The following AGMO variants were observed in gnomAD, a reference collection of about 807,000 sequenced individuals.
AGMO encodes the protein alkylglycerol monooxygenase, also known as glyceryl-ether monooxygenase.
A neutral mutation model predicts 60.2 loss-of-function variants in AGMO; 75 were observed. The observed-to-expected ratio is 1.25, with a 90% confidence interval of 1.03 to 1.51. The LOEUF (loss-of-function observed/expected upper bound fraction) is 1.51, where lower values mean the gene tolerates loss of function less well. Ranked by LOEUF, AGMO falls within the 40% of genes most tolerant of loss-of-function variation. The pLI is 0.00. For synonymous variants in AGMO, 261 were observed against 177.1 expected (o/e 1.47, Z -3.76); for missense variants, 763 against 525.5 (o/e 1.45, Z -4.42).
intron 12 of AGMO, among the ~76,000 whole-genome samples, chr7:15,236,000 G>T (rs1782407358): frequency 6.6e-6 from 1 of 151,984 alleles, no homozygotes; most frequent in South Asian, 2.1e-4. Context: ...ATTAGTGGAT[G>T]GGACCTCAAG....
the AGMO span, among the ~76,000 whole-genome samples, chr7:15,172,827 G>T: frequency 6.6e-6 from 1 of 152,114 alleles, no homozygotes; most frequent in Non-Finnish European, 1.5e-5. Context: ...AGAGCTCATG[G>T]AAGAGGATGG....
At chr7:15,290,066 C>T (rs1263571257) in intron 12 of AGMO, among the ~76,000 whole-genome samples, 2 of 144,502 alleles carry the variant, frequency 1.4e-5, no homozygotes, top group African/African-American at 2.6e-5. Flanking sequence ...AGTTTCACCC[C>T]GTTGCCAGGC....
downstream of AGMO, among the ~76,000 whole-genome samples, chr7:15,198,359 C>T (rs1414707123): frequency 6.6e-6 from 1 of 151,932 alleles, no homozygotes; most frequent in Non-Finnish European, 1.5e-5. Flanking sequence ...TATGTTCTGT[C>T]ATCATGTATT....
the AGMO span, among the ~76,000 whole-genome samples, chr7:15,153,937 T>A: frequency 6.6e-6 from 1 of 152,160 alleles, no homozygotes; most frequent in Non-Finnish European, 1.5e-5. Context: ...CTTTTGGCAA[T>A]ACAGTCATTT....
chr7:15,432,369 C>CACATATATATATATATATAT (rs141888494), intron 3 of AGMO, among the ~76,000 whole-genome samples: 1 of 50,696 alleles, frequency 2.0e-5, no homozygotes, highest in South Asian at 7.6e-4. Flanking sequence ...TATACACACA[C>CACATATATATATATATATAT]ATATATATAT....
intron 12 of AGMO, among the ~76,000 whole-genome samples, chr7:15,294,177 C>T (rs892292490): frequency 3.9e-5 from 6 of 151,946 alleles, no homozygotes; most frequent in Non-Finnish European, 7.4e-5. Context: ...AAAACAGAGT[C>T]GGCATTTAAT....
chr7:15,398,162 C>T lies in AGMO; in HGVS notation c.610-3983G>A, dbSNP rs530228805. On this transcript the variant is annotated intron_variant, in intron 5 of 12. Transcript: ENST00000342526. ...TGGAGAGGACTACACTGACCAGCTT[C>T]TGCTCCCCAGATGAATTTCTGATCC... Among the ~76,000 whole-genome samples the T allele has an allele frequency of 5.9e-5, 9 of 152,178 alleles. No homozygotes were observed. In the South Asian group the frequency reaches 1.0e-3, roughly 18 times the overall value.
intron 12 of AGMO, chr7:15,358,344 T>A (rs989484075): frequency 8.8e-6 from 4 of 456,756 alleles, no homozygotes; most frequent in African/African-American, 8.1e-5. Flanking sequence ...CTTGGGTTAA[T>A]GCTTTTTCAA....
At chr7:15,406,281 CATATGTGTGTATATATATGGAATATACAT>C (rs1784684194) in intron 5 of AGMO, among the ~76,000 whole-genome samples, 1 of 124,244 alleles carries the variant, frequency 8.0e-6, no homozygotes, top group African/African-American at 3.2e-5. Flanking sequence ...TACATGTACA[CATATGTGTGTATATATATGGAATATACAT>C]ATATATGTGT....
chr7:15,432,335 T>TATATATATACATAA (rs759130741), intron 3 of AGMO, among the ~76,000 whole-genome samples: 1 of 136,642 alleles, frequency 7.3e-6, no homozygotes. Flanking sequence ...TATGTATATA[T>TATATATATACATAA]ATATATATAT....
At chr7:15,555,288 TATATACACACACAC>T (rs1386625529) in intron 2 of AGMO, among the ~76,000 whole-genome samples, 1 of 100,004 alleles carries the variant, frequency 1.0e-5, no homozygotes, top group African/African-American at 6.8e-5. Context: ...TATATATATA[TATATACACACACAC>T]ACACACACAC....
At chr7:15,467,712 T>G (rs1385606751) in intron 3 of AGMO, among the ~76,000 whole-genome samples, 1 of 152,184 alleles carries the variant, frequency 6.6e-6, no homozygotes, top group East Asian at 1.9e-4. Context: ...ATTTTTGGAA[T>G]ATTATTTCTC....
chr7:15,118,173 AACACACACAC>A, the AGMO span, among the ~76,000 whole-genome samples: 129 of 144,538 alleles, frequency 8.9e-4, 1 homozygote, highest in East Asian at 4.6e-3. Flanking sequence ...ACTAAAGAGA[AACACACACAC>A]ACACACACAC....
chr7:15,356,622 C>G (rs1485280014), intron 12 of AGMO, among the ~76,000 whole-genome samples: 1 of 151,940 alleles, frequency 6.6e-6, no homozygotes, highest in Non-Finnish European at 1.5e-5. Context: ...ATCACACAGA[C>G]AGCAGATAAT....
intron 3 of AGMO, among the ~76,000 whole-genome samples, chr7:15,484,403 G>A (rs890261562): frequency 6.6e-6 from 1 of 152,130 alleles, no homozygotes. Context: ...TGGTCACATT[G>A]AGGAGTTAAT....
At chr7:15,202,158 T>C (rs922742277) in intron 12 of AGMO, among the ~76,000 whole-genome samples, 1 of 151,522 alleles carries the variant, frequency 6.6e-6, no homozygotes, top group African/African-American at 2.4e-5. Context: ...TGTGCAGGAG[T>C]TTCTCTATAT....
the AGMO span, among the ~76,000 whole-genome samples, chr7:15,132,660 T>G: frequency 1.3e-5 from 2 of 152,130 alleles, no homozygotes; most frequent in Non-Finnish European, 2.9e-5. Flanking sequence ...AATTTAAAAA[T>G]CTTGGGAAAG....
At chr7:15,268,479 G>A (rs1283848734) in intron 12 of AGMO, among the ~76,000 whole-genome samples, 1 of 152,006 alleles carries the variant, frequency 6.6e-6, no homozygotes, top group Non-Finnish European at 1.5e-5. Context: ...ATGTATGCAT[G>A]CATTCCATAT....
intron 12 of AGMO, among the ~76,000 whole-genome samples, chr7:15,342,406 C>T (rs1335187963): frequency 1.3e-5 from 2 of 151,872 alleles, no homozygotes; most frequent in African/African-American, 4.8e-5. Context: ...TCTTCTCTAC[C>T]TAAGCAAAGT....
Sources: gnomAD v4.1 joint callset for allele counts (sites outside exome capture counted in the v4.1 genomes callset) on GRCh38, gnomAD v4.1.1 for gene constraint, MANE v1.5 for transcripts, NCBI Gene and HGNC (gene_info 2026-07-23, HGNC 2026-07-21) for gene names.